The following XRCC4 variants were observed in gnomAD, a reference collection of about 807,000 sequenced individuals.
The protein encoded by XRCC4 is X-ray repair cross complementing 4, also known as DNA repair protein XRCC4.
XRCC4 carries 28 observed loss-of-function variants against 39.1 expected under a neutral mutation model. The observed-to-expected ratio is 0.72, with a 90% CI of 0.53 to 0.98. XRCC4 has a LOEUF of 0.98. XRCC4 is among the 50% of genes least tolerant of loss of function. The pLI is 0.00. For synonymous variants in XRCC4, 123 were observed against 126.4 expected (o/e 0.97, Z 0.18); for missense variants, 350 against 376.4 (o/e 0.93, Z 0.58).
intron 6 of XRCC4, among the ~76,000 whole-genome samples, chr5:83,235,626 AC>A (rs1376214737): frequency 2.6e-5 from 4 of 152,126 alleles, no homozygotes; most frequent in African/African-American, 4.8e-5. Flanking sequence ...CGGGAAAAAA[AC>A]AAAAGTCTTT....
At chr5:83,280,637 C>A in intron 7 of XRCC4, 4 of 338,290 alleles carry the variant, frequency 1.2e-5, no homozygotes, top group Non-Finnish European at 5.7e-6. Context: ...CCAGTCCAAG[C>A]TACCATGATA....
At chr5:83,230,396 C>T (rs987655572) in intron 6 of XRCC4, among the ~76,000 whole-genome samples, 3 of 151,908 alleles carry the variant, frequency 2.0e-5, no homozygotes, top group African/African-American at 4.8e-5. Flanking sequence ...GAAAATTAGG[C>T]TTTGCCACCA....
chr5:83,316,992 TAACAA>T (rs1437068247), intron 7 of XRCC4, among the ~76,000 whole-genome samples: 693 of 60,702 alleles, frequency 0.011, 14 homozygotes, highest in African/African-American at 0.045. Flanking sequence ...ACAGAAATTA[TAACAA>T]ACTATCTCTC....
At chr5:83,196,396 T>C (rs1750949165) in intron 4 of XRCC4, among the ~76,000 whole-genome samples, 1 of 152,118 alleles carries the variant, frequency 6.6e-6, no homozygotes, top group African/African-American at 2.4e-5. Context: ...TTATTGAAAA[T>C]TCATACTATA....
At chr5:83,102,527 G>GCATA (rs1745989717) in intron 1 of XRCC4, among the ~76,000 whole-genome samples, 1 of 152,098 alleles carries the variant, frequency 6.6e-6, no homozygotes, top group Non-Finnish European at 1.5e-5. Context: ...CAGCAATAGG[G>GCATA]CATAGGAGAT....
At chr5:83,156,315 C>A (rs984404251) in intron 3 of XRCC4, among the ~76,000 whole-genome samples, 9 of 148,608 alleles carry the variant, frequency 6.1e-5, no homozygotes, top group African/African-American at 1.7e-4. Flanking sequence ...TTGTTGGTAC[C>A]CTGTTTAAAT....
chr5:83,211,350 TACTC>T (rs1480014486), intron 6 of XRCC4, among the ~76,000 whole-genome samples: 1 of 152,212 alleles, frequency 6.6e-6, no homozygotes, highest in East Asian at 1.9e-4. Context: ...CAGAGGGTGA[TACTC>T]ACAACCAGCA....
chr5:83,110,997 A>G, intron 2 of XRCC4, 31 bp from the exon 3 acceptor site: 1 of 1,584,702 alleles, frequency 6.3e-7, no homozygotes, highest in Non-Finnish European at 8.6e-7. Flanking sequence ...TTTACTTTTC[A>G]TTTTAAAACT....
At chr5:83,354,784 C>T (rs1218893292), downstream of XRCC4, among the ~76,000 whole-genome samples, 1 of 152,076 alleles carries the variant, frequency 6.6e-6, no homozygotes, top group Admixed American at 6.6e-5. Context: ...CTTTCTTCTC[C>T]TTGCACATCC....
intron 1 of XRCC4, among the ~76,000 whole-genome samples, chr5:83,089,465 A>C (rs768226209): frequency 1.3e-5 from 2 of 152,210 alleles, no homozygotes; most frequent in Admixed American, 6.5e-5. Flanking sequence ...GAGGCCAATC[A>C]TAACTCCAAT....
At chr5:83,337,627 T>C (rs575439711) in intron 7 of XRCC4, among the ~76,000 whole-genome samples, 2 of 152,262 alleles carry the variant, frequency 1.3e-5, no homozygotes, top group South Asian at 4.1e-4. Context: ...TTTCTAGTGT[T>C]CTCAGCTAAG....
intron 6 of XRCC4, among the ~76,000 whole-genome samples, chr5:83,227,846 A>G (rs553092146): frequency 2.6e-5 from 4 of 152,214 alleles, no homozygotes; most frequent in African/African-American, 9.6e-5. Context: ...TCATAGGTTT[A>G]TACAGATTTC....
chr5:83,291,817 G>T (rs1302174576), intron 7 of XRCC4, among the ~76,000 whole-genome samples: 1 of 151,826 alleles, frequency 6.6e-6, no homozygotes, highest in African/African-American at 2.4e-5. Context: ...AAGACAACTG[G>T]ATTCTGAGGC....
At chr5:83,144,192 T>A (rs1002119739) in intron 3 of XRCC4, among the ~76,000 whole-genome samples, 9 of 152,070 alleles carry the variant, frequency 5.9e-5, no homozygotes, top group Non-Finnish European at 1.3e-4. Flanking sequence ...TCACTTAGAA[T>A]AATGACCTCC....
intron 7 of XRCC4, among the ~76,000 whole-genome samples, chr5:83,347,447 G>T (rs886648355): frequency 2.0e-5 from 3 of 152,142 alleles, no homozygotes; most frequent in Non-Finnish European, 4.4e-5. Context: ...CAAAAGGGAA[G>T]CAGACACATC....
At chr5:83,259,162 C>G (rs1020567589) in intron 7 of XRCC4, 2 of 155,430 alleles carry the variant, frequency 1.3e-5, no homozygotes, top group Non-Finnish European at 2.8e-5. Context: ...TCTGATTACC[C>G]TGCATCAGTC....
intron 7 of XRCC4, among the ~76,000 whole-genome samples, chr5:83,302,905 A>G (rs1755340226): frequency 6.6e-6 from 1 of 152,180 alleles, no homozygotes; most frequent in South Asian, 2.1e-4. Flanking sequence ...CAGAGTCACA[A>G]ATAATAAATA....
chr5:83,251,627 C>T (rs1264976838), intron 6 of XRCC4, among the ~76,000 whole-genome samples: 1 of 151,152 alleles, frequency 6.6e-6, no homozygotes, highest in Non-Finnish European at 1.5e-5. Flanking sequence ...GCTGCAGATA[C>T]TTCTGGGGTC....
chr5:83,228,265 T>G (rs1024001242), intron 6 of XRCC4, among the ~76,000 whole-genome samples: 3 of 152,048 alleles, frequency 2.0e-5, no homozygotes, highest in African/African-American at 4.8e-5. Flanking sequence ...TTTTCAAAAT[T>G]TTGAATGTAT....
Sources: allele counts gnomAD v4.1 joint callset (sites outside exome capture counted in the v4.1 genomes callset), GRCh38; gene constraint gnomAD v4.1.1; transcripts MANE v1.5; gene names NCBI Gene and HGNC (gene_info 2026-07-23, HGNC 2026-07-21).